ARFGEF1: variants seen among roughly 807,000 people sequenced by gnomAD.
The protein encoded by ARFGEF1 is brefeldin A-inhibited guanine nucleotide-exchange protein 1.
ARFGEF1 carries 42 observed loss-of-function variants against 231.0 expected under a neutral mutation model. That is an observed-to-expected ratio of 0.18 (90% CI 0.14 to 0.24). The LOEUF (loss-of-function observed/expected upper bound fraction) is 0.24. ARFGEF1 is among the 10% of genes least tolerant of loss of function. ARFGEF1 has a pLI of 1.00. For missense variants in ARFGEF1, 1,345 were observed against 2,192.0 expected, an observed-to-expected ratio of 0.61 and a Z score of 7.72; for synonymous variants, 710 against 732.3, an observed-to-expected ratio of 0.97 and a Z score of 0.49.
chr8:67,277,137 A>G (rs1431581876), intron 8 of ARFGEF1, 145 bp downstream of exon 8: 2 of 833,996 alleles, frequency 2.4e-6, no homozygotes, highest in Admixed American at 6.2e-5. Context: ...AATGAAGGAA[A>G]AAAAACCCCA....
intron 23 of ARFGEF1, 45 bp downstream of exon 23, chr8:67,232,810 C>A: frequency 6.9e-7 from 1 of 1,438,864 alleles, no homozygotes; most frequent in Non-Finnish European, 9.5e-7. Context: ...TGCTAAAGAA[C>A]TGAAATAGTA....
intron 1 of ARFGEF1, among the ~76,000 whole-genome samples, chr8:67,334,298 A>C (rs1808244553): frequency 6.6e-6 from 1 of 151,956 alleles, no homozygotes; most frequent in Admixed American, 6.6e-5. Flanking sequence ...AAAAAAAAAA[A>C]AAACAAAATT....
Position 67,198,689 on chromosome 8 carries a change from G to A in ARFGEF1, c.*245C>T, listed in dbSNP as rs551071279. 6.6e-6 allele frequency: 8 copies of A among 1,214,732 alleles called. No individual in the cohort carries two copies. The highest frequency in any genetic ancestry group is 4.3e-5 in the South Asian group (2 of 46,368). 75.2% of individuals were successfully genotyped at this position (1,214,732 alleles called of 1,614,324 possible). On this transcript the variant is annotated 3_prime_UTR_variant, in exon 39 of 39. Transcript: ENST00000262215. ...TGCCGTGGAAGACAGGGAAGGACCC[G>A]TGAGCATGAGCTGACACTGTTTAAA...
intron 5 of ARFGEF1, among the ~76,000 whole-genome samples, chr8:67,177,070 CAAAAAAAAAA>C (rs36084458): frequency 7.7e-5 from 4 of 51,864 alleles, no homozygotes; most frequent in Admixed American, 6.4e-4. Flanking sequence ...GACTTAGTCT[CAAAAAAAAAA>C]AAAAAAAAAA....
chr8:67,267,057 A>G, intron 12 of ARFGEF1, 34 bp downstream of exon 12: 2 of 1,609,578 alleles, frequency 1.2e-6, no homozygotes, highest in African/African-American at 2.7e-5. Context: ...TTCCTGGTAA[A>G]GTTTAAATTT....
rs765983514 is a variant in ARFGEF1, at chr8:67,259,910, T to C, written c.2140A>G (p.Lys714Glu). 1 of 1,606,432 alleles carries C rather than the reference T, an allele frequency of 6.2e-7. No individual in the cohort carries two copies. The highest frequency in any genetic ancestry group is 1.3e-5 in the African/African-American group (1 of 74,592). Residue 714 changes from lysine (K) to glutamate (E), a missense_variant, in exon 15 of 39, where the codon AAG becomes GAG. Physicochemically the swap from Lys to Glu is moderately conservative, Grantham distance 56 (BLOSUM62 1). Coordinates refer to ENST00000262215, the MANE Select transcript of ARFGEF1 (RefSeq NM_006421.5). ...QGIDLFNKKP[K>E]RGIQYLQEQG... is the part of the protein sequence containing the mutation. ...TCTTGGAGGTACTGTATTCCTCTCT[T>C]TGGTTTCTTATTAAATCTAGATGAT... is the stretch of plus-strand genomic sequence containing the variant.
chr8:67,291,958 T>C lies in ARFGEF1; in HGVS notation c.805A>G (p.Thr269Ala). The C allele has an allele frequency of 6.2e-7, 1 of 1,613,948 alleles. No homozygotes were observed. Among genetic ancestry groups the C allele is most frequent in the Non-Finnish European group, 8.5e-7 (1 of 1,179,902 alleles). ...TGAAGACTTTTATCTACATCATTTG[T>C]ATGGAGGTCAAGGTCCCCTTCGTGT... The part of the protein sequence containing the change: ...QEHEGDLDLH[T>A]NDVDKSLQDD... Residue 269 changes from threonine to alanine, a missense_variant, in exon 6 of 39, where the codon ACA becomes GCA. Coordinates refer to ENST00000262215, the MANE Select transcript of ARFGEF1 (RefSeq NM_006421.5).
chr8:67,218,233 TAA>T (rs1563843453), intron 30 of ARFGEF1, 95 bp from the exon 31 acceptor site: 5 of 234,596 alleles, frequency 2.1e-5, no homozygotes, highest in Admixed American at 2.0e-4. Flanking sequence ...TATATATATA[TAA>T]ATGTTTTCAT....
chr8:67,302,904 C>CT (rs1400362873), intron 1 of ARFGEF1, among the ~76,000 whole-genome samples: 2 of 88,952 alleles, frequency 2.2e-5, no homozygotes, highest in South Asian at 9.2e-4. Context: ...GACCCCATCT[C>CT]TTAAAAAAAA....
Position 67,343,292 on chromosome 8 carries a change from G to C in ARFGEF1, c.-5C>G. On this transcript the variant is annotated 5_prime_UTR_variant, in exon 1 of 39. Coordinates refer to ENST00000262215, the MANE Select transcript of ARFGEF1 (RefSeq NM_006421.5). ...CGTCTTCTTCCCCTCATACATGGAC[G>C]CAGAGAAGGAGGCGGCGGCTCGTCC... The C allele has an allele frequency of 6.2e-7, 1 of 1,612,368 alleles. No individual in the cohort carries two copies. The highest frequency in any genetic ancestry group is 8.5e-7 in the Non-Finnish European group (1 of 1,178,838).
chr8:67,275,339 C>A (rs1805269185), intron 9 of ARFGEF1, among the ~76,000 whole-genome samples: 1 of 151,990 alleles, frequency 6.6e-6, no homozygotes, highest in Non-Finnish European at 1.5e-5. Flanking sequence ...CCATTTATGA[C>A]TTACAAAAAT....
intron 19 of ARFGEF1, among the ~76,000 whole-genome samples, chr8:67,247,286 TA>T (rs558351221): frequency 4.1e-5 from 6 of 146,068 alleles, no homozygotes; most frequent in South Asian, 2.2e-4. Flanking sequence ...AAAGACACAT[TA>T]AAAAAAAAAT....
intron 18 of ARFGEF1, 69 bp downstream of exon 18, chr8:67,253,382 G>A: frequency 1.7e-6 from 2 of 1,177,098 alleles, no homozygotes; most frequent in Non-Finnish European, 1.2e-6. Context: ...CTGACCATAA[G>A]TGAAAAACTC....
intron 1 of ARFGEF1, among the ~76,000 whole-genome samples, chr8:67,311,090 C>T (rs1412777421): frequency 4.1e-4 from 61 of 148,492 alleles, no homozygotes; most frequent in African/African-American, 1.1e-3. Context: ...CCCGGCCAGC[C>T]GCCCCGTCCG....
chr8:67,211,639 T>C (rs760139405), intron 33 of ARFGEF1, 24 bp from the exon 34 acceptor site: 7 of 1,350,142 alleles, frequency 5.2e-6, no homozygotes, highest in Middle Eastern at 4.9e-4. Context: ...AAAAAATCAC[T>C]GTAAGTATGG....
chr8:67,302,439 T>G lies in ARFGEF1; in HGVS notation c.152A>C (p.Gln51Pro). The G allele has an allele frequency of 6.4e-7, 1 of 1,572,474 alleles. No individual in the cohort carries two copies. Among genetic ancestry groups the G allele is most frequent in the East Asian group, 2.3e-5 (1 of 43,498 alleles). The change falls in exon 2 of 39, where the codon CAG becomes CCG. Residue 51 changes from glutamine (Q) to proline (P), a missense_variant. Around this residue, in one of 14 missense-constraint regions of ARFGEF1, gnomAD observed 398 missense variants for 463.2 expected, o/e 0.86. Transcript: ENST00000262215. ...LEEIKAETEK[Q>P]SPPHGEAKAG... ...AAAGAAAAGAAATCCCACAAACCTC[T>G]GTTTTTCAGTTTCCGCTTTTATTTC...
intron 34 of ARFGEF1, among the ~76,000 whole-genome samples, chr8:67,206,647 C>T (rs1172815463): frequency 1.3e-5 from 2 of 152,172 alleles, no homozygotes; most frequent in Non-Finnish European, 2.9e-5. Flanking sequence ...TAAGCCAATG[C>T]AGCAGCGCAA....
chr8:67,233,762 T>A (rs1325180002), intron 22 of ARFGEF1, among the ~76,000 whole-genome samples: 2 of 152,112 alleles, frequency 1.3e-5, no homozygotes, highest in East Asian at 3.9e-4. Flanking sequence ...CAAGATAAAA[T>A]ATAAACTCTT....
Position 67,249,099 on chromosome 8 carries a change from T to C in ARFGEF1, c.2850+2200A>G, listed in dbSNP as rs899598456. Among the ~76,000 whole-genome samples, 13 of 150,530 alleles carry C rather than the reference T, an allele frequency of 8.6e-5. 1 individual carries two copies. The highest frequency in any genetic ancestry group is 3.2e-4 in the African/African-American group (13 of 40,352). ...CACAAGCCAGGAACTATGGTTGATGTTGGGACAAGTGAAGAGATGTAGTTC... is the reference window on the plus strand; with the variant it reads ...CACAAGCCAGGAACTATGGTTGATGCTGGGACAAGTGAAGAGATGTAGTTC... On this transcript the variant is annotated intron_variant, in intron 19 of 38. Transcript: ENST00000262215.
Sources: gnomAD v4.1 joint callset for allele counts (sites outside exome capture counted in the v4.1 genomes callset) on GRCh38, gnomAD v4.1.1 for gene constraint, gnomAD v4.1.1 regional missense constraint, MANE v1.5 for transcripts, NCBI Gene and HGNC (gene_info 2026-07-23, HGNC 2026-07-21) for gene names.